The following DBT variants were observed in gnomAD, a reference collection of about 807,000 sequenced individuals.
DBT encodes dihydrolipoamide branched chain transacylase E2, also known as lipoamide acyltransferase component of branched-chain alpha-keto acid dehydrogenase complex, mitochondrial.
Under a neutral mutation model 51.3 loss-of-function variants are expected in DBT, and 40 were observed. The observed-to-expected ratio is 0.78, with a 90% CI of 0.61 to 1.02. The LOEUF is 1.02. DBT is among the 50% of genes least tolerant of loss of function. DBT has a pLI of 0.00. For missense variants in DBT, 510 were observed against 580.2 expected, an observed-to-expected ratio of 0.88 and a Z score of 1.24; for synonymous variants, 181 against 190.4, an observed-to-expected ratio of 0.95 and a Z score of 0.41.
chr1:100,204,237 T>G (rs112437691), intron 10 of DBT, among the ~76,000 whole-genome samples: 4,840 of 152,298 alleles, frequency 0.032, 287 homozygotes, highest in African/African-American at 0.11. Context: ...CTTAAGCTGA[T>G]AAGCAACTTC....
intron 10 of DBT, among the ~76,000 whole-genome samples, chr1:100,203,146 T>C (rs1661554845): frequency 1.3e-5 from 2 of 151,968 alleles, no homozygotes; most frequent in African/African-American, 2.4e-5. Context: ...TTCAAAAAAA[T>C]CAATGAATCC....
rs965423137 is a variant in DBT, at chr1:100,237,637, ATTAAT to A, written c.176-2131_176-2127del. Among the ~76,000 whole-genome samples, 15 of 152,054 alleles carry A rather than the reference ATTAAT, an allele frequency of 9.9e-5. 1 individual carries two copies. Among genetic ancestry groups the A allele is most frequent in the African/African-American group, 3.6e-4 (15 of 41,408 alleles). Reference sequence around the variant, plus strand: ...GGTAAGAAGCAGAAGTATAGAATTTATTAATTTATTATTTTTTTAGAGACAGGGTC... The same window carrying A: ...GGTAAGAAGCAGAAGTATAGAATTTATTATTATTTTTTTAGAGACAGGGTC... On this transcript the variant is annotated intron_variant, in intron 2 of 10. Transcript: ENST00000370132.
At chr1:100,210,880 G>A in intron 7 of DBT, 109 bp from the exon 8 acceptor site, 1 of 1,563,468 alleles carries the variant, frequency 6.4e-7, no homozygotes. Flanking sequence ...TCTTATTTAT[G>A]CTGAGTTTAA....
At chr1:100,238,760 A>T (rs1212810320) in intron 2 of DBT, among the ~76,000 whole-genome samples, 1 of 152,158 alleles carries the variant, frequency 6.6e-6, no homozygotes, top group African/African-American at 2.4e-5. Context: ...ATCAGAAGGA[A>T]AAGAGATTTG....
intron 4 of DBT, among the ~76,000 whole-genome samples, chr1:100,225,826 CAAAAAAA>C (rs71084809): frequency 1.2e-5 from 1 of 86,934 alleles, no homozygotes; most frequent in Non-Finnish European, 2.1e-5. Context: ...CTCCATCTCA[CAAAAAAA>C]AAAAAAAAAA....
intron 1 of DBT, among the ~76,000 whole-genome samples, chr1:100,243,922 T>C (rs1471593013): frequency 2.2e-5 from 3 of 136,926 alleles, no homozygotes; most frequent in Middle Eastern, 3.3e-3. Flanking sequence ...GCTTCTTTAA[T>C]ATAGTCCATA....
At chr1:100,199,811 C>G (rs1273662496) in intron 10 of DBT, among the ~76,000 whole-genome samples, 2 of 152,148 alleles carry the variant, frequency 1.3e-5, no homozygotes, top group Non-Finnish European at 2.9e-5. Flanking sequence ...AACTCCCTCC[C>G]CTAGCCAAGG....
chr1:100,247,563 G>A (rs1255842693), intron 1 of DBT, among the ~76,000 whole-genome samples: 1 of 151,938 alleles, frequency 6.6e-6, no homozygotes, highest in African/African-American at 2.4e-5. Flanking sequence ...GCCAGGCATG[G>A]TGGTTCGCGC....
rs59482100 is a variant in DBT at position 100,225,042 on chromosome 1, A to AAATATATGTATAT, written c.433+5690_433+5691insATATACATATATT. Among the ~76,000 whole-genome samples the AAATATATGTATAT allele has an allele frequency of 1.8e-4, 8 of 45,630 alleles. 3 individuals carry two copies. The highest frequency in any genetic ancestry group is 2.8e-4 in the Non-Finnish European group (6 of 21,082). 29.9% of individuals were successfully genotyped at this position (45,630 alleles called of 152,430 possible). A position where few individuals can be genotyped will look rare whatever the true frequency, so the allele number is the denominator to read the frequency against. On this transcript the variant is annotated intron_variant, in intron 4 of 10. Transcript: ENST00000370132. ...CCCCCCAAAAAAAAAAAAAAAAAAA[A>AAATATATGTATAT]ATATATATATACACACACACACACA... is the stretch of plus-strand genomic sequence containing the variant.
intron 10 of DBT, among the ~76,000 whole-genome samples, chr1:100,205,079 T>C (rs748335285): frequency 3.3e-5 from 5 of 152,104 alleles, no homozygotes; most frequent in Non-Finnish European, 7.4e-5. Flanking sequence ...CCAAAAGCAA[T>C]TGCAACAAAG....
chr1:100,209,922 C>T (rs548161724), intron 8 of DBT, among the ~76,000 whole-genome samples: 9 of 152,222 alleles, frequency 5.9e-5, no homozygotes, highest in South Asian at 4.1e-4. Flanking sequence ...AAAGAGTTTT[C>T]GGTCTTAAGA....
chr1:100,246,772 A>G (rs1195742380), intron 1 of DBT, among the ~76,000 whole-genome samples: 1 of 152,244 alleles, frequency 6.6e-6, no homozygotes, highest in East Asian at 1.9e-4. Flanking sequence ...TAGAATGCAC[A>G]GTACAGTGAA....
chr1:100,244,443 A>T (rs1392044151), intron 1 of DBT, among the ~76,000 whole-genome samples: 3 of 152,220 alleles, frequency 2.0e-5, no homozygotes, highest in Non-Finnish European at 4.4e-5. Flanking sequence ...TTTATTGAAT[A>T]GATTATAACA....
chr1:100,220,934 G>GAA (rs1662823144), intron 4 of DBT, among the ~76,000 whole-genome samples: 1 of 152,202 alleles, frequency 6.6e-6, no homozygotes, highest in Admixed American at 6.5e-5. Flanking sequence ...AAATGAGTAA[G>GAA]AAAGATTAGC....
chr1:100,195,626 A>C lies in DBT; in HGVS notation c.*629T>G, dbSNP rs1298072702. 1 of 152,616 alleles carries C rather than the reference A, an allele frequency of 6.6e-6. No homozygotes were observed. Among genetic ancestry groups the C allele is most frequent in the Non-Finnish European group, 1.5e-5 (1 of 68,376 alleles). 9.5% of individuals were successfully genotyped at this position (152,616 alleles called of 1,614,324 possible). On this transcript the variant is annotated 3_prime_UTR_variant, in exon 11 of 11. Coordinates refer to ENST00000370132, the MANE Select transcript of DBT (RefSeq NM_001918.5). ...GTCAGTTAAAAAAAATAGGGCATAT[A>C]CTGTCTGTATATGGCTACCTGTCTT...
At chr1:100,207,729 C>T (rs1011393922) in intron 8 of DBT, among the ~76,000 whole-genome samples, 1 of 151,700 alleles carries the variant, frequency 6.6e-6, no homozygotes, top group South Asian at 2.1e-4. Context: ...GTCTCAGCTA[C>T]TTGGGAGGCT....
Position 100,195,981 on chromosome 1 carries a change from G to T in DBT, c.*274C>A. 2.2e-6 allele frequency: 1 copy of T among 453,394 alleles called. No individual in the cohort carries two copies. The highest frequency in any genetic ancestry group is 3.5e-5 in the Admixed American group (1 of 28,544). The allele number at this position is 453,394 out of a possible 1,614,324, so 28.1% of individuals were successfully genotyped here. On this transcript the variant is annotated 3_prime_UTR_variant, in exon 11 of 11. Coordinates refer to ENST00000370132, the MANE Select transcript of DBT (RefSeq NM_001918.5). ...TGCCCGGCCTAATTTTGTTAATCTTGCCAGTTTCAAGCCATTGACACAAAA... is the reference window on the plus strand; with the variant it reads ...TGCCCGGCCTAATTTTGTTAATCTTTCCAGTTTCAAGCCATTGACACAAAA...
At chr1:100,200,657 C>T (rs1661383600) in intron 10 of DBT, among the ~76,000 whole-genome samples, 1 of 152,204 alleles carries the variant, frequency 6.6e-6, no homozygotes, top group Admixed American at 6.5e-5. Context: ...TACAGGAGAG[C>T]TCTCGCTGGC....
chr1:100,233,394 C>T (rs1019110429), intron 3 of DBT, among the ~76,000 whole-genome samples: 1 of 152,164 alleles, frequency 6.6e-6, no homozygotes, highest in African/African-American at 2.4e-5. Context: ...TTTACCCTTA[C>T]CCAAAACCAC....
Sources: gnomAD v4.1 joint callset for allele counts (sites outside exome capture counted in the v4.1 genomes callset) on GRCh38, gnomAD v4.1.1 for gene constraint, MANE v1.5 for transcripts, NCBI Gene and HGNC (gene_info 2026-07-23, HGNC 2026-07-21) for gene names.